The following L3MBTL1 variants were observed in gnomAD, a reference collection of about 807,000 sequenced individuals.
The protein encoded by L3MBTL1 is lethal(3)malignant brain tumor-like protein 1.
Under a neutral mutation model 105.3 loss-of-function variants are expected in L3MBTL1, and 75 were observed. That is an observed-to-expected ratio of 0.71 (90% confidence interval 0.59 to 0.86). The LOEUF (loss-of-function observed/expected upper bound fraction) is 0.86, where lower values mean the gene tolerates loss of function less well. Among genes scored for constraint, L3MBTL1 ranks in the 40% least tolerant of loss-of-function variants. The pLI, the probability that L3MBTL1 is intolerant of heterozygous loss-of-function variation, is 0.00. For missense variants in L3MBTL1, 1,069 were observed against 1,126.4 expected (o/e 0.95, Z 0.73); for synonymous variants, 452 against 436.2 (o/e 1.04, Z -0.45).
At chr20:43,536,521 C>A in intron 19 of L3MBTL1, 63 bp downstream of exon 19, 1 of 1,557,808 alleles carries the variant, frequency 6.4e-7, no homozygotes, top group South Asian at 1.1e-5. Context: ...AGTGCTCTGT[C>A]ATTGGTGGGA....
rs531115414 is a variant in L3MBTL1, at chr20:43,514,793, C to G, written c.502+17C>G. 20 of 1,537,144 alleles carry G rather than the reference C, an allele frequency of 1.3e-5. No individual in the cohort carries two copies. Among genetic ancestry groups the G allele is most frequent in the Admixed American group, 9.9e-5 (5 of 50,266 alleles). ...AACAGGCGGGTAGGAGCCCCGCTCCCCAGGCCCTGAGCTGGGCCCTGTGCG... is the reference window on the plus strand; with the variant it reads ...AACAGGCGGGTAGGAGCCCCGCTCCGCAGGCCCTGAGCTGGGCCCTGTGCG... On this transcript the variant is annotated intron_variant, in intron 4 of 21. Transcript: ENST00000418998.
At chr20:43,522,458 T>TTTTTTTTTTG in intron 7 of L3MBTL1, among the ~76,000 whole-genome samples, 2 of 43,656 alleles carry the variant, frequency 4.6e-5, no homozygotes, top group Non-Finnish European at 8.0e-5. Flanking sequence ...CCCTGCTAAG[T>TTTTTTTTTTG]TTTTTTTTTT....
chr20:43,511,517 C>T (rs922534564), intron 1 of L3MBTL1, among the ~76,000 whole-genome samples: 2 of 152,126 alleles, frequency 1.3e-5, no homozygotes, highest in African/African-American at 4.8e-5. Flanking sequence ...CTCGATGGCT[C>T]ACGCCTATAA....
At chr20:43,514,297 T>G in intron 3 of L3MBTL1, 1 of 825,342 alleles carries the variant, frequency 1.2e-6, no homozygotes, top group Non-Finnish European at 1.8e-6. Flanking sequence ...GGCCTGTGGG[T>G]GTCTGGGGGC....
rs966593272 is a variant in L3MBTL1 at position 43,533,427 on chromosome 20, G to A, written c.1513+9G>A. On this transcript the variant is annotated intron_variant, in intron 13 of 21. Transcript: ENST00000418998. ...CCTCACCCCTCCACAAGGTGACCCT[G>A]CAGCCTGAGCAAGCCCCCTTTCCTA... 6.2e-7 allele frequency: 1 copy of A among 1,609,132 alleles called. No homozygotes were observed. The highest frequency in any genetic ancestry group is 1.7e-5 in the Admixed American group (1 of 58,966).
At chr20:43,538,530 G>A (rs1600958787) in intron 19 of L3MBTL1, among the ~76,000 whole-genome samples, 1 of 152,172 alleles carries the variant, frequency 6.6e-6, no homozygotes, top group East Asian at 1.9e-4. Context: ...TTACATACTG[G>A]TGGGTAGACC....
At chr20:43,517,942 G>A (rs946853646) in intron 7 of L3MBTL1, among the ~76,000 whole-genome samples, 2 of 152,216 alleles carry the variant, frequency 1.3e-5, no homozygotes, top group African/African-American at 4.8e-5. Context: ...CAAAGGTTTA[G>A]CTCTCTTTGG....
intron 11 of L3MBTL1, chr20:43,532,496 T>G: frequency 2.7e-6 from 1 of 368,994 alleles, no homozygotes; most frequent in Non-Finnish European, 4.9e-6. Context: ...GTTCACCAGG[T>G]TCTTTGGGCG....
intron 16 of L3MBTL1, 129 bp from the exon 17 acceptor site, chr20:43,535,708 A>G: frequency 3.2e-6 from 2 of 623,418 alleles, no homozygotes. Flanking sequence ...TGTCACAGCC[A>G]ACGCAGGGCC....
chr20:43,547,351 G>A (rs192529505), intron 18 of L3MBTL1, among the ~76,000 whole-genome samples: 5,210 of 152,150 alleles, frequency 0.034, 119 homozygotes, highest in Non-Finnish European at 0.053. Flanking sequence ...TGATCCGCCC[G>A]CCTCTGCCTC....
rs773474379 is a variant in L3MBTL1, at chr20:43,530,784, C to G, written c.1193-14C>G. On this transcript the variant is annotated splice_polypyrimidine_tract_variant and intron_variant, in intron 10 of 21. Coordinates refer to ENST00000418998, the MANE Select transcript of L3MBTL1 (RefSeq NM_001377303.1). Reference sequence around the variant, plus strand: ...TCTGCACGGCGCTCTGTTCATGCCCCTCGAGGGGCCTAGGTTACAAGGAGG... The same window carrying G: ...TCTGCACGGCGCTCTGTTCATGCCCGTCGAGGGGCCTAGGTTACAAGGAGG... 2 of 1,613,274 alleles carry G rather than the reference C, an allele frequency of 1.2e-6. No individual in the cohort carries two copies. The highest frequency in any genetic ancestry group is 2.7e-5 in the African/African-American group (2 of 74,924).
chr20:43,525,981 C>A (rs1021951480), intron 7 of L3MBTL1, among the ~76,000 whole-genome samples: 1 of 152,044 alleles, frequency 6.6e-6, no homozygotes, highest in East Asian at 1.9e-4. Flanking sequence ...GACTAGTGAG[C>A]AAATATGAAG....
At chr20:43,537,166 T>TAAC (rs1278541063) in intron 19 of L3MBTL1, among the ~76,000 whole-genome samples, 1 of 152,264 alleles carries the variant, frequency 6.6e-6, no homozygotes, top group African/African-American at 2.4e-5. Flanking sequence ...ATAAAGCACC[T>TAAC]AACCCAAATG....
At chr20:43,523,463 G>C (rs1477901196) in intron 7 of L3MBTL1, 1 of 242,322 alleles carries the variant, frequency 4.1e-6, no homozygotes, top group African/African-American at 2.3e-5. Flanking sequence ...GAGAGGAATA[G>C]CATTCTACCT....
Position 43,514,635 on chromosome 20 carries a change from T to G in L3MBTL1, c.361T>G (p.Phe121Val). 6.3e-7 allele frequency: 1 copy of G among 1,598,504 alleles called. No individual in the cohort carries two copies. Among genetic ancestry groups the G allele is most frequent in the Non-Finnish European group, 8.5e-7 (1 of 1,172,434 alleles). The change falls in exon 4 of 22, where the codon TTC becomes GTC. Residue 121 changes from phenylalanine (F) to valine (V), a missense_variant and splice_region_variant. Phe to Val is a conservative substitution (Grantham distance 50). Transcript: ENST00000418998. ...ATCCTCAGACCCTCCCGCGCTCCAG[T>G]TCCGGATAAGCGAGTATAAGCCGCT... ...AAPPPGGGLR[F>V]RISEYKPLNM...
chr20:43,548,082 C>A, intron 18 of L3MBTL1: 1 of 1,302,880 alleles, frequency 7.7e-7, no homozygotes, highest in Non-Finnish European at 1.0e-6. Flanking sequence ...ACCTTCTCCA[C>A]TTTCCACCTC....
intron 7 of L3MBTL1, among the ~76,000 whole-genome samples, chr20:43,517,035 AG>A (rs2018433749): frequency 6.6e-6 from 1 of 150,824 alleles, no homozygotes; most frequent in Non-Finnish European, 1.5e-5. Context: ...GGGCTCAAGC[AG>A]TCCTCCTGCC....
intron 7 of L3MBTL1, among the ~76,000 whole-genome samples, chr20:43,522,456 AGTTTTTTTTTTTTTTT>A (rs1476842261): frequency 1.1e-5 from 1 of 89,874 alleles, no homozygotes; most frequent in Non-Finnish European, 2.3e-5. Flanking sequence ...TTCCCTGCTA[AGTTTTTTTTTTTTTTT>A]TTTTTTTTTT....
intron 15 of L3MBTL1, chr20:43,534,609 C>T: frequency 1.6e-6 from 1 of 609,024 alleles, no homozygotes; most frequent in Non-Finnish European, 2.9e-6. Flanking sequence ...CCTAATAATC[C>T]TCGTCCCACC....
Sources: allele counts gnomAD v4.1 joint callset (sites outside exome capture counted in the v4.1 genomes callset), GRCh38; gene constraint gnomAD v4.1.1; transcripts MANE v1.5; gene names NCBI Gene and HGNC (gene_info 2026-07-23, HGNC 2026-07-21).